LINGO2: variants seen among roughly 807,000 people sequenced by gnomAD.
LINGO2 encodes leucine-rich repeat and immunoglobulin-like domain-containing nogo receptor-interacting protein 2.
In LINGO2, 14 loss-of-function variants were observed where a neutral mutation model predicts 30.6. That is an observed-to-expected ratio of 0.46 (90% CI 0.30 to 0.72). LINGO2 has a LOEUF of 0.72. Among genes scored for constraint, LINGO2 ranks in the 30% least tolerant of loss-of-function variants. The pLI is 0.07. For synonymous variants in LINGO2, 317 were observed against 288.5 expected, an observed-to-expected ratio of 1.10 and a Z score of -1.00; for missense variants, 729 against 751.7, an observed-to-expected ratio of 0.97 and a Z score of 0.35.
intron 4 of LINGO2, among the ~76,000 whole-genome samples, chr9:28,057,190 T>C (rs1038424869): frequency 1.3e-5 from 2 of 152,132 alleles, no homozygotes; most frequent in Non-Finnish European, 2.9e-5. Flanking sequence ...CTGGCTACAC[T>C]ATTTTTTTCT....
At chr9:28,278,783 A>T (rs1823220122) in intron 4 of LINGO2, among the ~76,000 whole-genome samples, 1 of 152,216 alleles carries the variant, frequency 6.6e-6, no homozygotes, top group Non-Finnish European at 1.5e-5. Context: ...CCCATGAATC[A>T]AGGAGTAGTT....
At position 28,289,321 on chromosome 9, in the gene LINGO2, T is replaced by C. The variant is rs111995458; in HGVS notation, c.-87+5887A>G. Among the ~76,000 whole-genome samples the C allele has an allele frequency of 8.2e-3, 1,251 of 152,336 alleles. 24 individuals carry two copies. The highest frequency in any genetic ancestry group is 0.029 in the African/African-American group (1,189 of 41,590). On this transcript the variant is annotated intron_variant, in intron 4 of 5. Coordinates refer to ENST00000379992, the Ensembl canonical transcript of LINGO2. ...AAACATACTAATTCACTGTCAAATC[T>C]TTTATATTCCAGAGGACACTTCTAA...
At chr9:28,998,417 A>G in the LINGO2 span, among the ~76,000 whole-genome samples, 1 of 152,142 alleles carries the variant, frequency 6.6e-6, no homozygotes, top group Non-Finnish European at 1.5e-5. Context: ...TAACACAAAG[A>G]GCTTATTCTT....
At chr9:28,820,556 T>C in the LINGO2 span, among the ~76,000 whole-genome samples, 1 of 152,222 alleles carries the variant, frequency 6.6e-6, no homozygotes, top group Non-Finnish European at 1.5e-5. Flanking sequence ...AAGTTCATTA[T>C]ATATGTCCAG....
intron 1 of LINGO2, among the ~76,000 whole-genome samples, chr9:28,617,264 G>C (rs549161096): frequency 6.6e-6 from 1 of 151,346 alleles, no homozygotes; most frequent in Non-Finnish European, 1.5e-5. Flanking sequence ...CCTCTTTCCG[G>C]CTAGTTTAAT....
At chr9:28,782,568 A>G in the LINGO2 span, among the ~76,000 whole-genome samples, 1 of 152,226 alleles carries the variant, frequency 6.6e-6, no homozygotes, top group Admixed American at 6.5e-5. Flanking sequence ...CTGTATCACA[A>G]TTTGTACTGA....
At chr9:28,694,538 T>C in the LINGO2 span, among the ~76,000 whole-genome samples, 68 of 152,040 alleles carry the variant, frequency 4.5e-4, no homozygotes, top group African/African-American at 1.5e-3. Flanking sequence ...ACTTACAACC[T>C]CAAAAATCCT....
At chr9:28,106,795 T>C (rs890149566) in intron 4 of LINGO2, among the ~76,000 whole-genome samples, 2 of 152,154 alleles carry the variant, frequency 1.3e-5, no homozygotes, top group African/African-American at 4.8e-5. Context: ...GGGGGAAAAA[T>C]AGCTATATCA....
At chr9:29,099,437 G>A in the LINGO2 span, among the ~76,000 whole-genome samples, 15 of 152,038 alleles carry the variant, frequency 9.9e-5, no homozygotes, top group African/African-American at 3.1e-4. Context: ...TCAATGTAGT[G>A]AAGATACAAC....
At chr9:28,276,475 T>C (rs1823118595) in intron 4 of LINGO2, among the ~76,000 whole-genome samples, 1 of 152,198 alleles carries the variant, frequency 6.6e-6, no homozygotes, top group South Asian at 2.1e-4. Flanking sequence ...ACCTGTCACT[T>C]GCTAACATGC....
chr9:28,068,679 T>C (rs1825384980), intron 4 of LINGO2, among the ~76,000 whole-genome samples: 1 of 152,178 alleles, frequency 6.6e-6, no homozygotes, highest in South Asian at 2.1e-4. Flanking sequence ...AAAACAATCC[T>C]GTAAGATAAG....
the LINGO2 span, among the ~76,000 whole-genome samples, chr9:28,865,243 G>C: frequency 2.0e-5 from 3 of 152,138 alleles, no homozygotes; most frequent in African/African-American, 7.2e-5. Context: ...AGCATCACCA[G>C]ATCAGAGGCA....
chr9:28,171,146 ATGT>A (rs1407352890), intron 4 of LINGO2, among the ~76,000 whole-genome samples: 1 of 152,132 alleles, frequency 6.6e-6, no homozygotes, highest in Non-Finnish European at 1.5e-5. Context: ...AATGAGTTGA[ATGT>A]TATTACAGCA....
At chr9:28,571,168 T>C (rs1193044036) in intron 1 of LINGO2, among the ~76,000 whole-genome samples, 1 of 152,006 alleles carries the variant, frequency 6.6e-6, no homozygotes, top group Admixed American at 6.6e-5. Context: ...AATACTTTCA[T>C]GGCTGCTTAT....
chr9:28,072,511 C>G (rs1387919102), intron 4 of LINGO2, among the ~76,000 whole-genome samples: 2 of 152,186 alleles, frequency 1.3e-5, no homozygotes, highest in African/African-American at 4.8e-5. Context: ...TAGACTAGAC[C>G]TGTCAGGCCA....
chr9:28,354,758 T>G (rs960574112), intron 3 of LINGO2, among the ~76,000 whole-genome samples: 1 of 152,198 alleles, frequency 6.6e-6, no homozygotes, highest in South Asian at 2.1e-4. Flanking sequence ...TTCTACTGTA[T>G]ATAAGTTCAT....
intron 1 of LINGO2, among the ~76,000 whole-genome samples, chr9:28,484,786 G>T (rs765232768): frequency 2.6e-5 from 4 of 152,022 alleles, no homozygotes; most frequent in Admixed American, 6.6e-5. Flanking sequence ...AATATTAATG[G>T]ATTAAAAATT....
the LINGO2 span, among the ~76,000 whole-genome samples, chr9:28,788,374 T>TA: frequency 6.6e-6 from 1 of 152,234 alleles, no homozygotes; most frequent in African/African-American, 2.4e-5. Context: ...ATTGTTCTGA[T>TA]ATTGATAAAG....
chr9:28,791,171 A>G, the LINGO2 span, among the ~76,000 whole-genome samples: 1 of 152,146 alleles, frequency 6.6e-6, no homozygotes, highest in African/African-American at 2.4e-5. Context: ...AGTATAGAGA[A>G]AGTGGGCGAG....
Sources: allele counts gnomAD v4.1 joint callset (sites outside exome capture counted in the v4.1 genomes callset), GRCh38; gene constraint gnomAD v4.1.1; transcripts MANE v1.5; gene names NCBI Gene and HGNC (gene_info 2026-07-23, HGNC 2026-07-21).